Variants in SUMO2 observed in about 807,000 individuals in gnomAD.
The protein encoded by SUMO2 is small ubiquitin-related modifier 2.
SUMO2 carries 1 observed loss-of-function variant against 16.0 expected under a neutral mutation model. The observed-to-expected ratio is 0.06, with a 90% CI of 0.02 to 0.30. The LOEUF is 0.30. SUMO2 is among the 10% of genes least tolerant of loss of function. The probability of loss-of-function intolerance (pLI) is 1.00; values close to 1 mark genes in which losing one functional copy is unlikely to be tolerated. For synonymous variants in SUMO2, 36 were observed against 40.6 expected (o/e 0.89, Z 0.43); for missense variants, 16 against 117.5 (o/e 0.14, Z 3.99).
chr17:75,179,100 G>C (rs544923989), intron 2 of SUMO2, among the ~76,000 whole-genome samples: 3 of 152,274 alleles, frequency 2.0e-5, no homozygotes, highest in South Asian at 4.1e-4. Flanking sequence ...TTCTCCAAAA[G>C]GATTACCTTT....
intron 3 of SUMO2, among the ~76,000 whole-genome samples, 153 bp downstream of exon 3, chr17:75,174,599 C>T (rs939778002): frequency 2.0e-5 from 3 of 152,158 alleles, no homozygotes; most frequent in Non-Finnish European, 4.4e-5. Context: ...GAGCCTATTC[C>T]TATTTTCCTT....
In SUMO2 at chr17:75,168,218, A is replaced by G; in HGVS notation, c.*121T>C. ...GAATGGGGAAGGGGGAAATGAAAGA[A>G]TAGAGAAAACTATACGGTAGTAGTC... On this transcript the variant is annotated 3_prime_UTR_variant, in exon 4 of 4. Coordinates refer to ENST00000420826, the MANE Select transcript of SUMO2 (RefSeq NM_006937.4). The G allele has an allele frequency of 1.4e-6, 1 of 703,744 alleles. No homozygotes were observed. Among genetic ancestry groups the G allele is most frequent in the Non-Finnish European group, 2.2e-6 (1 of 446,646 alleles). The allele number at this position is 703,744 out of a possible 1,614,324, so 43.6% of individuals were successfully genotyped here.
At chr17:75,171,815 A>G (rs1268048823) in intron 3 of SUMO2, among the ~76,000 whole-genome samples, 1 of 152,102 alleles carries the variant, frequency 6.6e-6, no homozygotes, top group Non-Finnish European at 1.5e-5. Flanking sequence ...AATAACTGAG[A>G]GTACAGCACA....
intron 1 of SUMO2, among the ~76,000 whole-genome samples, chr17:75,182,132 T>G (rs1482607579): frequency 6.6e-6 from 1 of 152,076 alleles, no homozygotes; most frequent in Non-Finnish European, 1.5e-5. Flanking sequence ...TCCAACTTCA[T>G]GAAACCACAT....
chr17:75,171,819 C>T (rs2035252), intron 3 of SUMO2, among the ~76,000 whole-genome samples: 148,903 of 152,134 alleles, frequency 0.98, 72,960 homozygotes, highest in East Asian at 1. Flanking sequence ...ACTGAGAGTA[C>T]AGCACAATAG....
chr17:75,169,544 T>C (rs985028383), intron 3 of SUMO2, among the ~76,000 whole-genome samples: 5 of 151,462 alleles, frequency 3.3e-5, no homozygotes, highest in African/African-American at 1.2e-4. Flanking sequence ...CCACAACGCC[T>C]GGCTAATTTT....
chr17:75,171,159 C>T (rs556385577), intron 3 of SUMO2, among the ~76,000 whole-genome samples: 2 of 150,948 alleles, frequency 1.3e-5, no homozygotes, highest in African/African-American at 2.4e-5. Flanking sequence ...GATGGAGTTT[C>T]GCTGTTGTTG....
At position 75,169,527 on chromosome 17, in the gene SUMO2, G is replaced by C. The variant is rs374586248; in HGVS notation, c.226-1126C>G. ...GCCTCCCGAGTAGCTGGGACTACAGGTGCCCGCCACAACGCCTGGCTAATT... is the reference window on the plus strand; with the variant it reads ...GCCTCCCGAGTAGCTGGGACTACAGCTGCCCGCCACAACGCCTGGCTAATT... On this transcript the variant is annotated intron_variant, in intron 3 of 3. Transcript: ENST00000420826. Among the ~76,000 whole-genome samples the C allele has an allele frequency of 1.6e-3, 236 of 151,656 alleles. 2 individuals are homozygous for C. The highest frequency in any genetic ancestry group is 5.6e-3 in the African/African-American group (233 of 41,412).
chr17:75,172,666 G>C (rs1386321981), intron 3 of SUMO2, among the ~76,000 whole-genome samples: 1 of 151,688 alleles, frequency 6.6e-6, no homozygotes, highest in African/African-American at 2.4e-5. Flanking sequence ...GTAGAGACGG[G>C]GTTTCTCCAT....
At chr17:75,177,842 A>C (rs2074794870) in intron 2 of SUMO2, among the ~76,000 whole-genome samples, 1 of 151,860 alleles carries the variant, frequency 6.6e-6, no homozygotes, top group Non-Finnish European at 1.5e-5. Flanking sequence ...AAAATAAATT[A>C]GCCGAGCACG....
intron 3 of SUMO2, among the ~76,000 whole-genome samples, chr17:75,170,049 C>T (rs1026699377): frequency 2.7e-5 from 4 of 148,620 alleles, no homozygotes; most frequent in South Asian, 2.1e-4. Context: ...CACGCCTGCA[C>T]GCCTGTAATC....
At chr17:75,170,591 A>G (rs953001618) in intron 3 of SUMO2, among the ~76,000 whole-genome samples, 1 of 150,942 alleles carries the variant, frequency 6.6e-6, no homozygotes, top group Non-Finnish European at 1.5e-5. Flanking sequence ...CAAAAACAAA[A>G]AACACCAAAA....
At chr17:75,174,682 C>T (rs984414226) in intron 3 of SUMO2, 70 bp downstream of exon 3, 1 of 1,459,258 alleles carries the variant, frequency 6.9e-7, no homozygotes, top group Admixed American at 1.9e-5. Flanking sequence ...TCTAAACGTT[C>T]AAATTCATAA....
intron 3 of SUMO2, among the ~76,000 whole-genome samples, chr17:75,172,192 T>C (rs1013915557): frequency 6.6e-6 from 1 of 151,886 alleles, no homozygotes; most frequent in African/African-American, 2.4e-5. Context: ...CCGGCTAATT[T>C]TTGTATTTTT....
At chr17:75,172,606 C>T (rs995559087) in intron 3 of SUMO2, among the ~76,000 whole-genome samples, 1 of 151,236 alleles carries the variant, frequency 6.6e-6, no homozygotes, top group Non-Finnish European at 1.5e-5. Context: ...CTCAGCCTCC[C>T]GAGCAGCTGG....
chr17:75,182,264 G>A (rs2074835014), intron 1 of SUMO2: 2 of 152,466 alleles, frequency 1.3e-5, no homozygotes, highest in South Asian at 4.1e-4. Context: ...CCCAGGCCCA[G>A]GACGGCGGCC....
intron 2 of SUMO2, among the ~76,000 whole-genome samples, chr17:75,175,405 C>T (rs2074774482): frequency 6.6e-6 from 1 of 152,108 alleles, no homozygotes; most frequent in East Asian, 1.9e-4. Context: ...ACTGCAACCT[C>T]CACCTTTTGG....
At chr17:75,181,027 T>A in intron 2 of SUMO2, 30 bp downstream of exon 2, 1 of 1,609,766 alleles carries the variant, frequency 6.2e-7, no homozygotes, top group South Asian at 1.1e-5. Context: ...ATAGTTTTAT[T>A]CAGTGGAAGT....
rs1219710051 is a variant in SUMO2 at position 75,168,266 on chromosome 17, C to T, written c.*73G>A. On this transcript the variant is annotated 3_prime_UTR_variant, in exon 4 of 4. Coordinates refer to ENST00000420826, the MANE Select transcript of SUMO2 (RefSeq NM_006937.4). ...GTCAGGATGTGGTGGAACCAAATTGCAGTTTTCTAATTGAGAATGTAATCT... is the reference window on the plus strand; with the variant it reads ...GTCAGGATGTGGTGGAACCAAATTGTAGTTTTCTAATTGAGAATGTAATCT... 2.6e-6 allele frequency: 3 copies of T among 1,155,516 alleles called. No individual in the cohort carries two copies. The highest frequency in any genetic ancestry group is 1.5e-5 in the South Asian group (1 of 66,214). The allele number at this position is 1,155,516 out of a possible 1,614,324, so 71.6% of individuals were successfully genotyped here.
Sources: gnomAD v4.1 joint callset for allele counts (sites outside exome capture counted in the v4.1 genomes callset) on GRCh38, gnomAD v4.1.1 for gene constraint, MANE v1.5 for transcripts, NCBI Gene and HGNC (gene_info 2026-07-23, HGNC 2026-07-21) for gene names.